The following SLC25A21 variants were observed in gnomAD, a reference collection of about 807,000 sequenced individuals.
The protein encoded by SLC25A21 is solute carrier family 25 member 21, also known as mitochondrial 2-oxodicarboxylate carrier.
Under a neutral mutation model 43.8 loss-of-function variants are expected in SLC25A21, and 47 were observed. That is an observed-to-expected ratio of 1.07 (90% CI 0.85 to 1.37). The LOEUF (loss-of-function observed/expected upper bound fraction) is 1.37. Ranked by LOEUF, SLC25A21 falls within the 40% of genes most tolerant of loss-of-function variation. SLC25A21 has a pLI of 0.00. For missense variants in SLC25A21, 352 were observed against 350.2 expected (o/e 1.00, Z -0.04); for synonymous variants, 131 against 121.3 (o/e 1.08, Z -0.52).
chr14:36,916,739 A>G (rs1299664230), intron 1 of SLC25A21, among the ~76,000 whole-genome samples: 1 of 152,172 alleles, frequency 6.6e-6, no homozygotes, highest in African/African-American at 2.4e-5. Context: ...CCAAATCTAT[A>G]TATCTAGGCC....
At chr14:36,801,751 A>G (rs1887875725) in intron 3 of SLC25A21, among the ~76,000 whole-genome samples, 1 of 152,076 alleles carries the variant, frequency 6.6e-6, no homozygotes. Context: ...TTTTGCTTTT[A>G]CTTATTTCAT....
At chr14:37,014,116 A>G (rs1264514006) in intron 1 of SLC25A21, among the ~76,000 whole-genome samples, 1 of 152,116 alleles carries the variant, frequency 6.6e-6, no homozygotes, top group South Asian at 2.1e-4. Flanking sequence ...CCAACTGATC[A>G]GAGATGACCT....
At chr14:37,084,239 T>C (rs1432185801) in intron 1 of SLC25A21, among the ~76,000 whole-genome samples, 2 of 152,172 alleles carry the variant, frequency 1.3e-5, no homozygotes, top group African/African-American at 4.8e-5. Flanking sequence ...CTCGGTTCCT[T>C]AAAAATCTCA....
intron 1 of SLC25A21, among the ~76,000 whole-genome samples, chr14:36,887,090 G>C (rs1890938556): frequency 6.6e-6 from 1 of 152,050 alleles, no homozygotes; most frequent in South Asian, 2.1e-4. Flanking sequence ...GAGAGAAATA[G>C]AGGGCCACTT....
intron 1 of SLC25A21, among the ~76,000 whole-genome samples, chr14:37,072,929 C>T (rs1355541757): frequency 2.0e-5 from 3 of 152,228 alleles, no homozygotes; most frequent in South Asian, 4.2e-4. Context: ...TAAAAATCAA[C>T]AATAATAAAA....
At chr14:36,749,850 AT>A (rs1209274949) in intron 3 of SLC25A21, among the ~76,000 whole-genome samples, 1 of 152,076 alleles carries the variant, frequency 6.6e-6, no homozygotes, top group Non-Finnish European at 1.5e-5. Context: ...CAGCACCCCC[AT>A]CTGAGTCCTT....
intron 2 of SLC25A21, among the ~76,000 whole-genome samples, chr14:36,861,227 A>G (rs545952526): frequency 2.0e-5 from 3 of 152,306 alleles, no homozygotes; most frequent in South Asian, 4.1e-4. Context: ...CACAGTTATG[A>G]TATTATATTA....
At chr14:36,748,969 T>C (rs947424149) in intron 3 of SLC25A21, among the ~76,000 whole-genome samples, 2 of 152,220 alleles carry the variant, frequency 1.3e-5, no homozygotes, top group Non-Finnish European at 2.9e-5. Context: ...TCTCTGTCTA[T>C]CATGAATTAT....
chr14:37,017,736 C>T (rs570304211), intron 1 of SLC25A21, among the ~76,000 whole-genome samples: 5 of 151,746 alleles, frequency 3.3e-5, no homozygotes, highest in Admixed American at 6.6e-5. Flanking sequence ...TATTATTTTT[C>T]GCATAATATG....
intron 1 of SLC25A21, among the ~76,000 whole-genome samples, chr14:37,170,004 C>T (rs1299410622): frequency 6.6e-6 from 1 of 151,946 alleles, no homozygotes; most frequent in African/African-American, 2.4e-5. Flanking sequence ...ATACTTATCA[C>T]TCAACAAAAC....
At chr14:36,714,522 C>T (rs569173551) in intron 6 of SLC25A21, among the ~76,000 whole-genome samples, 35 of 152,288 alleles carry the variant, frequency 2.3e-4, no homozygotes, top group African/African-American at 7.9e-4. Context: ...AAGATCTCTG[C>T]ATATGGCAAG....
At chr14:37,025,009 C>T (rs1961063736) in intron 1 of SLC25A21, among the ~76,000 whole-genome samples, 2 of 151,986 alleles carry the variant, frequency 1.3e-5, no homozygotes, top group Non-Finnish European at 2.9e-5. Flanking sequence ...TTAACACTGT[C>T]TAGAATTTGT....
chr14:36,945,928 G>A (rs895867795), intron 1 of SLC25A21, among the ~76,000 whole-genome samples: 2 of 151,678 alleles, frequency 1.3e-5, no homozygotes, highest in African/African-American at 4.8e-5. Flanking sequence ...AAGAAAAAAG[G>A]TGAAAAAATT....
chr14:36,786,699 T>A (rs1039711392), intron 3 of SLC25A21, among the ~76,000 whole-genome samples: 3 of 152,178 alleles, frequency 2.0e-5, no homozygotes. Context: ...GCTGCCTTTA[T>A]TTGATTAAAT....
chr14:36,696,562 AT>A (rs1426933096), intron 7 of SLC25A21, among the ~76,000 whole-genome samples: 1 of 152,158 alleles, frequency 6.6e-6, no homozygotes, highest in Non-Finnish European at 1.5e-5. Context: ...TTGGTAGGCT[AT>A]TACTTACTGC....
intron 1 of SLC25A21, among the ~76,000 whole-genome samples, chr14:36,909,462 G>A (rs575219786): frequency 3.3e-5 from 5 of 152,304 alleles, no homozygotes; most frequent in Admixed American, 3.3e-4. Flanking sequence ...CACTGGATAT[G>A]AGCCTTTTAA....
chr14:37,129,619 A>C (rs1311362075), intron 1 of SLC25A21, among the ~76,000 whole-genome samples: 1 of 151,796 alleles, frequency 6.6e-6, no homozygotes, highest in Non-Finnish European at 1.5e-5. Context: ...ATATTCTCTC[A>C]TTGAGATATA....
chr14:36,692,071 GCTAA>G (rs1882816749), intron 7 of SLC25A21, among the ~76,000 whole-genome samples: 1 of 152,182 alleles, frequency 6.6e-6, no homozygotes, highest in Admixed American at 6.5e-5. Flanking sequence ...AAGACACATG[GCTAA>G]CTAGTAAATA....
At chr14:36,904,192 C>T (rs1353305470) in intron 1 of SLC25A21, among the ~76,000 whole-genome samples, 2 of 152,140 alleles carry the variant, frequency 1.3e-5, no homozygotes, top group Non-Finnish European at 2.9e-5. Flanking sequence ...TGGGAAATCC[C>T]GACCCAGATT....
Sources: gnomAD v4.1 joint callset for allele counts (sites outside exome capture counted in the v4.1 genomes callset) on GRCh38, gnomAD v4.1.1 for gene constraint, MANE v1.5 for transcripts, NCBI Gene and HGNC (gene_info 2026-07-23, HGNC 2026-07-21) for gene names.